The following AFG1L variants were observed in gnomAD, a reference collection of about 807,000 sequenced individuals.
The protein encoded by AFG1L is AFG1-like ATPase.
In AFG1L, 53 loss-of-function variants were observed where a neutral mutation model predicts 62.2. The ratio of observed to expected loss-of-function variants is 0.85; its 90% confidence interval spans 0.68 to 1.07. The LOEUF is 1.07. AFG1L is among the 50% of genes least tolerant of loss of function. The pLI is 0.00. For synonymous variants in AFG1L, 228 were observed against 210.3 expected (o/e 1.08, Z -0.73); for missense variants, 555 against 590.5 (o/e 0.94, Z 0.62).
At chr6:108,513,843 C>A (rs997494481) in intron 11 of AFG1L, among the ~76,000 whole-genome samples, 5 of 152,210 alleles carry the variant, frequency 3.3e-5, no homozygotes, top group Admixed American at 3.3e-4. Context: ...CCCCAAGTAG[C>A]CTAACTGGGA....
intron 5 of AFG1L, among the ~76,000 whole-genome samples, chr6:108,364,124 G>A (rs1004087972): frequency 6.6e-6 from 1 of 152,140 alleles, no homozygotes; most frequent in African/African-American, 2.4e-5. Flanking sequence ...TTTGTTCGTG[G>A]TGGTAATGAA....
intron 11 of AFG1L, among the ~76,000 whole-genome samples, chr6:108,518,580 A>C (rs1382514092): frequency 6.6e-6 from 1 of 152,064 alleles, no homozygotes; most frequent in Non-Finnish European, 1.5e-5. Context: ...CAGCACACTA[A>C]CATGGCACAT....
chr6:108,441,336 C>T (rs1404712942), intron 7 of AFG1L, among the ~76,000 whole-genome samples: 1 of 152,116 alleles, frequency 6.6e-6, no homozygotes, highest in African/African-American at 2.4e-5. Flanking sequence ...ACTCAAAGGC[C>T]TTTGACACAT....
intron 1 of AFG1L, among the ~76,000 whole-genome samples, chr6:108,311,091 G>A (rs376338826): frequency 6.6e-6 from 1 of 152,140 alleles, no homozygotes; most frequent in East Asian, 1.9e-4. Flanking sequence ...TGGCCTTTAA[G>A]GGTTAAATTC....
At chr6:108,373,507 A>G (rs553774153) in intron 6 of AFG1L, among the ~76,000 whole-genome samples, 9 of 151,840 alleles carry the variant, frequency 5.9e-5, no homozygotes, top group African/African-American at 2.2e-4. Flanking sequence ...GTGCAAATGC[A>G]TGTCTTTTGG....
chr6:108,366,106 C>T, intron 5 of AFG1L, 127 bp from the exon 6 acceptor site: 1 of 575,108 alleles, frequency 1.7e-6, no homozygotes, highest in Non-Finnish European at 3.1e-6. Flanking sequence ...CTACTCTTTT[C>T]TTCATGATGA....
At chr6:108,372,030 T>C (rs1009076522) in intron 6 of AFG1L, among the ~76,000 whole-genome samples, 8 of 152,028 alleles carry the variant, frequency 5.3e-5, no homozygotes. Flanking sequence ...AAGGCTGGGA[T>C]TATAAGCATG....
chr6:108,417,284 ACAC>A (rs200005243), intron 7 of AFG1L, among the ~76,000 whole-genome samples: 10,680 of 129,496 alleles, frequency 0.082, 551 homozygotes, highest in South Asian at 0.17. Context: ...ACACACACAC[ACAC>A]AAAAAAAAAA....
At chr6:108,363,907 A>G (rs1206282420) in intron 5 of AFG1L, among the ~76,000 whole-genome samples, 3 of 152,204 alleles carry the variant, frequency 2.0e-5, no homozygotes, top group Non-Finnish European at 2.9e-5. Flanking sequence ...CACTCATTAT[A>G]TGGCACTGTA....
At chr6:108,470,022 G>A (rs1772822741) in intron 8 of AFG1L, among the ~76,000 whole-genome samples, 1 of 152,178 alleles carries the variant, frequency 6.6e-6, no homozygotes, top group Non-Finnish European at 1.5e-5. Flanking sequence ...ACATTCAGCT[G>A]TATCTGCTAG....
intron 6 of AFG1L, among the ~76,000 whole-genome samples, chr6:108,390,786 C>T (rs1212169678): frequency 3.3e-5 from 5 of 152,182 alleles, no homozygotes; most frequent in Non-Finnish European, 5.9e-5. Flanking sequence ...CTGGGGGGTG[C>T]CTCCCAGTTA....
chr6:108,301,734 C>T (rs181210437), intron 1 of AFG1L, among the ~76,000 whole-genome samples: 11 of 152,266 alleles, frequency 7.2e-5, no homozygotes, highest in Admixed American at 7.2e-4. Flanking sequence ...AGAAGGCTTT[C>T]CATGAACGGG....
At chr6:108,482,808 A>G (rs1385019950) in intron 10 of AFG1L, among the ~76,000 whole-genome samples, 3 of 151,680 alleles carry the variant, frequency 2.0e-5, no homozygotes, top group Non-Finnish European at 4.4e-5. Flanking sequence ...CTTTCATCAC[A>G]TCATGTCAAG....
intron 2 of AFG1L, among the ~76,000 whole-genome samples, chr6:108,338,880 C>CTTAT (rs1432244499): frequency 6.6e-6 from 1 of 152,112 alleles, no homozygotes; most frequent in Non-Finnish European, 1.5e-5. Context: ...ACATTCAATG[C>CTTAT]TTATTTATTT....
intron 11 of AFG1L, among the ~76,000 whole-genome samples, chr6:108,516,128 G>A (rs979521519): frequency 6.6e-6 from 1 of 151,896 alleles, no homozygotes; most frequent in Non-Finnish European, 1.5e-5. Flanking sequence ...AGAAAAAGAG[G>A]GAATCCTCCC....
At chr6:108,504,746 T>C (rs1311950626) in intron 10 of AFG1L, among the ~76,000 whole-genome samples, 1 of 152,228 alleles carries the variant, frequency 6.6e-6, no homozygotes, top group Non-Finnish European at 1.5e-5. Flanking sequence ...GAAGTGTGCC[T>C]GTAGTCTATC....
chr6:108,374,691 T>C (rs1780165088), intron 6 of AFG1L, among the ~76,000 whole-genome samples: 2 of 152,222 alleles, frequency 1.3e-5, no homozygotes, highest in Admixed American at 1.3e-4. Context: ...TTGGTCTATA[T>C]GTCTGTTTTG....
At chr6:108,450,228 A>C (rs895264204) in intron 8 of AFG1L, among the ~76,000 whole-genome samples, 22 of 152,212 alleles carry the variant, frequency 1.4e-4, no homozygotes, top group Non-Finnish European at 2.2e-4. Flanking sequence ...ACAGTGTAAA[A>C]GCATTCCTAT....
At chr6:108,449,072 T>C (rs1323368037) in intron 8 of AFG1L, among the ~76,000 whole-genome samples, 1 of 151,252 alleles carries the variant, frequency 6.6e-6, no homozygotes, top group African/African-American at 2.4e-5. Flanking sequence ...CGCTTGAGCC[T>C]AGGAGGTGGA....
Sources: gnomAD v4.1 joint callset for allele counts (sites outside exome capture counted in the v4.1 genomes callset) on GRCh38, gnomAD v4.1.1 for gene constraint, MANE v1.5 for transcripts, NCBI Gene and HGNC (gene_info 2026-07-23, HGNC 2026-07-21) for gene names.